Variants in LHX8 observed in about 807,000 individuals in gnomAD.
The protein encoded by LHX8 is LIM homeobox 8, also known as LIM/homeobox protein Lhx8.
LHX8 carries 12 observed loss-of-function variants against 40.3 expected under a neutral mutation model. That is an observed-to-expected ratio of 0.30 (90% confidence interval 0.19 to 0.48). LHX8 has a LOEUF of 0.48. LHX8 is among the 20% of genes least tolerant of loss of function. The pLI, the probability that LHX8 is intolerant of heterozygous loss-of-function variation, is 0.99. For synonymous variants in LHX8, 179 were observed against 162.0 expected (o/e 1.10, Z -0.80); for missense variants, 344 against 433.7 (o/e 0.79, Z 1.84).
the LHX8 span, among the ~76,000 whole-genome samples, chr1:75,176,760 C>T: frequency 1.8e-4 from 28 of 152,072 alleles, no homozygotes; most frequent in African/African-American, 5.8e-4. Flanking sequence ...GCCTATGTCC[C>T]GAATGGTATT....
the LHX8 span, among the ~76,000 whole-genome samples, chr1:75,190,596 A>C: frequency 7.0e-4 from 107 of 152,320 alleles, no homozygotes; most frequent in African/African-American, 2.5e-3. Flanking sequence ...CAAAGTAATA[A>C]AATCAAGATT....
At position 75,136,549 on chromosome 1, in the gene LHX8, C is replaced by A. The variant is rs1648137739; in HGVS notation, c.-12-54C>A. On this transcript the variant is annotated intron_variant, in intron 1 of 8. Transcript: ENST00000356261. ...CGCGCCGAGGCTGGGGCGGGCAGCA[C>A]GCTCGGAACTTCTGATCTGTTTCTC... The A allele has an allele frequency of 8.3e-6, 11 of 1,322,826 alleles. 1 individual carries two copies. In the South Asian group the frequency reaches 1.1e-4, roughly 14 times the overall value. 81.9% of individuals were successfully genotyped at this position (1,322,826 alleles called of 1,614,324 possible). A position where few individuals can be genotyped will look rare whatever the true frequency, so the allele number is the denominator to read the frequency against.
At chr1:75,184,006 C>A in the LHX8 span, among the ~76,000 whole-genome samples, 1 of 152,044 alleles carries the variant, frequency 6.6e-6, no homozygotes, top group Non-Finnish European at 1.5e-5. Flanking sequence ...GATTTTAAAC[C>A]ACAAAGATCA....
At chr1:75,164,000 C>T (rs529377054), downstream of LHX8, among the ~76,000 whole-genome samples, 1 of 152,296 alleles carries the variant, frequency 6.6e-6, no homozygotes, top group South Asian at 2.1e-4. Flanking sequence ...TTCACTACCT[C>T]CAGAACTGTG....
downstream of LHX8, among the ~76,000 whole-genome samples, chr1:75,164,742 T>G (rs925108394): frequency 6.6e-6 from 1 of 151,858 alleles, no homozygotes; most frequent in African/African-American, 2.4e-5. Context: ...TTTTTTTTTT[T>G]TTCCAGGCAG....
At chr1:75,137,010 A>AG in intron 2 of LHX8, 90 bp from the exon 3 acceptor site, 2 of 882,062 alleles carry the variant, frequency 2.3e-6, no homozygotes, top group Non-Finnish European at 2.7e-6. Flanking sequence ...GGGGGAAGGG[A>AG]GGGGAGGCGG....
At chr1:75,135,053 G>A in intron 1 of LHX8, 99 bp downstream of exon 1, 1 of 461,044 alleles carries the variant, frequency 2.2e-6, no homozygotes, top group Non-Finnish European at 2.9e-6. Flanking sequence ...CGGAGACCTG[G>A]CTCGTTTCGT....
upstream of LHX8, chr1:75,131,173 C>CA: frequency 3.5e-6 from 1 of 286,890 alleles, no homozygotes; most frequent in South Asian, 3.7e-5. Context: ...TGTGCCTCGC[C>CA]CCGATCTCCA....
At chr1:75,179,123 T>A in the LHX8 span, among the ~76,000 whole-genome samples, 1 of 152,198 alleles carries the variant, frequency 6.6e-6, no homozygotes, top group African/African-American at 2.4e-5. Context: ...AAGTGCTATG[T>A]GGTGCTGAGA....
the LHX8 span, among the ~76,000 whole-genome samples, chr1:75,196,691 A>T: frequency 6.6e-6 from 1 of 152,194 alleles, no homozygotes; most frequent in African/African-American, 2.4e-5. Flanking sequence ...TATCTGCCTA[A>T]GCTTCATATT....
chr1:75,139,325 G>A (rs941409917), intron 3 of LHX8, among the ~76,000 whole-genome samples: 2 of 152,106 alleles, frequency 1.3e-5, no homozygotes, highest in African/African-American at 2.4e-5. Context: ...CCCTGGCAAA[G>A]AAATGGAAGA....
chr1:75,129,444 T>G (rs1028455584), upstream of LHX8, among the ~76,000 whole-genome samples: 7 of 152,194 alleles, frequency 4.6e-5, no homozygotes, highest in East Asian at 3.9e-4. Flanking sequence ...GCCAACTTTT[T>G]TTTTGTAAAA....
At chr1:75,145,524 TA>T (rs1648437591) in intron 6 of LHX8, among the ~76,000 whole-genome samples, 1 of 152,212 alleles carries the variant, frequency 6.6e-6, no homozygotes, top group African/African-American at 2.4e-5. Context: ...GAGGTCTTTT[TA>T]TGCCAAATCC....
the LHX8 span, among the ~76,000 whole-genome samples, chr1:75,176,743 C>T: frequency 4.6e-5 from 7 of 152,018 alleles, no homozygotes; most frequent in South Asian, 2.1e-4. Flanking sequence ...ATGAAGTCCT[C>T]GCCCATGCCT....
intron 7 of LHX8, among the ~76,000 whole-genome samples, chr1:75,156,114 A>G (rs905193181): frequency 6.6e-6 from 1 of 151,046 alleles, no homozygotes; most frequent in Non-Finnish European, 1.5e-5. Flanking sequence ...GCCCTTCCCC[A>G]CCTTTTCTGG....
the LHX8 span, chr1:75,183,232 A>G: frequency 1.3e-5 from 2 of 152,168 alleles, no homozygotes; most frequent in Non-Finnish European, 2.9e-5. Context: ...AACATCGCCA[A>G]CCTCTCTAGA....
intron 8 of LHX8, 194 bp from the exon 9 acceptor site, chr1:75,160,625 G>T: frequency 1.7e-6 from 1 of 595,248 alleles, no homozygotes; most frequent in African/African-American, 1.9e-5. Flanking sequence ...AAAGATTTGG[G>T]GGTAAAACTG....
the LHX8 span, among the ~76,000 whole-genome samples, chr1:75,167,111 T>C: frequency 2.0e-5 from 3 of 152,222 alleles, no homozygotes; most frequent in Non-Finnish European, 4.4e-5. Flanking sequence ...CATGGACATC[T>C]GCAGGAATGG....
upstream of LHX8, among the ~76,000 whole-genome samples, chr1:75,132,185 G>T (rs1488186425): frequency 6.6e-6 from 1 of 152,210 alleles, no homozygotes; most frequent in Non-Finnish European, 1.5e-5. Flanking sequence ...CCACCAGGAA[G>T]AAGCTATACC....
Sources: gnomAD v4.1 joint callset for allele counts (sites outside exome capture counted in the v4.1 genomes callset) on GRCh38, gnomAD v4.1.1 for gene constraint, MANE v1.5 for transcripts, NCBI Gene and HGNC (gene_info 2026-07-23, HGNC 2026-07-21) for gene names.